The following DNAJC6 variants were observed in gnomAD, a reference collection of about 807,000 sequenced individuals.
The protein encoded by DNAJC6 is auxilin.
A neutral mutation model predicts 110.0 loss-of-function variants in DNAJC6; 34 were observed. The ratio of observed to expected loss-of-function variants is 0.31; its 90% confidence interval spans 0.24 to 0.41. DNAJC6 has a LOEUF of 0.41. DNAJC6 is among the 10% of genes least tolerant of loss of function. DNAJC6 has a pLI of 1.00. For missense variants in DNAJC6, 1,031 were observed against 1,207.8 expected (o/e 0.85, Z 2.17); for synonymous variants, 406 against 437.2 (o/e 0.93, Z 0.89).
chr1:65,310,923 T>G (rs1283983271), intron 1 of DNAJC6, among the ~76,000 whole-genome samples: 1 of 152,202 alleles, frequency 6.6e-6, no homozygotes, highest in African/African-American at 2.4e-5. Context: ...AAGATTCATA[T>G]GGGGTCGTTT....
At chr1:65,305,655 AT>A (rs1001328427), upstream of DNAJC6, among the ~76,000 whole-genome samples, 2 of 152,196 alleles carry the variant, frequency 1.3e-5, no homozygotes, top group African/African-American at 4.8e-5. Context: ...CAAAACATGG[AT>A]TTTTGCCCTC....
intron 1 of DNAJC6, among the ~76,000 whole-genome samples, chr1:65,331,754 G>A (rs909731000): frequency 1.3e-5 from 2 of 152,220 alleles, no homozygotes; most frequent in African/African-American, 4.8e-5. Context: ...TGCTGAGTAT[G>A]AGCTCAGGTC....
chr1:65,275,011 T>C (rs939773839), intron 1 of DNAJC6, among the ~76,000 whole-genome samples: 1 of 152,218 alleles, frequency 6.6e-6, no homozygotes. Context: ...TTTAACTCCA[T>C]TTACCCTATC....
chr1:65,346,489 CTTCCCA>C (rs776068323), intron 1 of DNAJC6, among the ~76,000 whole-genome samples: 50 of 152,058 alleles, frequency 3.3e-4, no homozygotes, highest in Non-Finnish European at 4.6e-4. Flanking sequence ...GAGCACTCAC[CTTCCCA>C]GTCTCATCTT....
intron 1 of DNAJC6, among the ~76,000 whole-genome samples, chr1:65,354,419 A>G (rs1645522757): frequency 6.6e-6 from 1 of 152,218 alleles, no homozygotes; most frequent in Non-Finnish European, 1.5e-5. Flanking sequence ...TTAGTTGTTT[A>G]TGGAAACTGC....
rs1646146766 is a variant in DNAJC6 at position 65,413,567 on chromosome 1, A to G, written c.*542A>G. On this transcript the variant is annotated 3_prime_UTR_variant, in exon 19 of 19. Transcript: ENST00000371069. ...ATACTGTAAATGTCTTTTGGTCAAGAGAACTAACAAATATAAAGGAACTTG... is the reference window on the plus strand; with the variant it reads ...ATACTGTAAATGTCTTTTGGTCAAGGGAACTAACAAATATAAAGGAACTTG... 1 of 152,384 alleles carries G rather than the reference A, an allele frequency of 6.6e-6. No individual in the cohort carries two copies. Among genetic ancestry groups the G allele is most frequent in the Admixed American group, 6.5e-5 (1 of 15,282 alleles). 9.4% of individuals were successfully genotyped at this position (152,384 alleles called of 1,614,324 possible). A position where few individuals can be genotyped will look rare whatever the true frequency, so the allele number is the denominator to read the frequency against.
chr1:65,386,780 C>T (rs200693702), intron 7 of DNAJC6, 32 bp from the exon 8 acceptor site: 3 of 1,567,752 alleles, frequency 1.9e-6, no homozygotes, highest in Admixed American at 1.7e-5. Context: ...ATTGGACTCT[C>T]TTTCAATGTA....
intron 11 of DNAJC6, among the ~76,000 whole-genome samples, chr1:65,391,213 A>G (rs927530876): frequency 3.3e-5 from 5 of 152,214 alleles, no homozygotes; most frequent in African/African-American, 1.2e-4. Context: ...TGAAGACTAT[A>G]AGTATCTTCA....
chr1:65,331,629 A>G (rs930046390), intron 1 of DNAJC6, among the ~76,000 whole-genome samples: 3 of 152,162 alleles, frequency 2.0e-5, no homozygotes, highest in African/African-American at 7.2e-5. Context: ...CACTTCATAA[A>G]GCCCTCTCAT....
intron 1 of DNAJC6, among the ~76,000 whole-genome samples, chr1:65,278,328 G>GTC (rs1653740370): frequency 6.6e-6 from 1 of 152,166 alleles, no homozygotes; most frequent in Non-Finnish European, 1.5e-5. Context: ...AATTAAATAG[G>GTC]TCAATTCATG....
rs565477898 is a variant in DNAJC6 at position 65,266,802 on chromosome 1, A to G, written c.-131+1870A>G. Among the ~76,000 whole-genome samples, 442 of 152,186 alleles carry G rather than the reference A, an allele frequency of 2.9e-3. 2 individuals are homozygous for G. Among genetic ancestry groups the G allele is most frequent in the Middle Eastern group, 0.017 (5 of 294 alleles). Reference sequence around the variant, plus strand: ...GCCCAGGTTAAGGTTAATATTCAACATTGTTTGAAATGGAAACACTCCTGG... The same window carrying G: ...GCCCAGGTTAAGGTTAATATTCAACGTTGTTTGAAATGGAAACACTCCTGG... On this transcript the variant is annotated intron_variant, in intron 1 of 19. Transcript: ENST00000263441.
chr1:65,350,590 A>G (rs1002950742), intron 1 of DNAJC6, among the ~76,000 whole-genome samples: 4 of 152,172 alleles, frequency 2.6e-5, no homozygotes, highest in Non-Finnish European at 2.9e-5. Flanking sequence ...CTTTGAAAAC[A>G]TGTTAAATTT....
At chr1:65,362,898 T>C (rs982481450) in intron 1 of DNAJC6, among the ~76,000 whole-genome samples, 1 of 152,240 alleles carries the variant, frequency 6.6e-6, no homozygotes. Context: ...CAGGTGTTTC[T>C]TACTGTATTA....
upstream of DNAJC6, among the ~76,000 whole-genome samples, chr1:65,305,933 T>G (rs1300801913): frequency 1.3e-5 from 2 of 152,202 alleles, no homozygotes; most frequent in African/African-American, 4.8e-5. Flanking sequence ...ACTAATTTAC[T>G]TCTTACTATA....
At chr1:65,395,429 TTAAA>T (rs1260142967) in intron 13 of DNAJC6, among the ~76,000 whole-genome samples, 1 of 152,202 alleles carries the variant, frequency 6.6e-6, no homozygotes, top group Admixed American at 6.5e-5. Context: ...AAAATATGTC[TTAAA>T]TAAATAAAAT....
At chr1:65,322,000 TCTC>T (rs1364422980) in intron 1 of DNAJC6, among the ~76,000 whole-genome samples, 1 of 152,158 alleles carries the variant, frequency 6.6e-6, no homozygotes, top group Non-Finnish European at 1.5e-5. Flanking sequence ...GCCATTAAAA[TCTC>T]CTAACAGGAG....
chr1:65,270,596 G>T (rs1332270224), intron 1 of DNAJC6, among the ~76,000 whole-genome samples: 1 of 152,076 alleles, frequency 6.6e-6, no homozygotes, highest in African/African-American at 2.4e-5. Flanking sequence ...GGTTATAAGG[G>T]TTATAAATCT....
At chr1:65,364,579 C>A in intron 1 of DNAJC6, 56 bp from the exon 2 acceptor site, 1 of 1,555,658 alleles carries the variant, frequency 6.4e-7, no homozygotes, top group Non-Finnish European at 8.6e-7. Context: ...ATTGGTTTTC[C>A]GTGGATTCTC....
rs146424430 is a variant in DNAJC6, at chr1:65,396,369, C to T, written c.2038+1337C>T. On this transcript the variant is annotated intron_variant, in intron 13 of 18. Transcript: ENST00000371069. ...CTCCCCATTTTACTCAGCATGAAAA[C>T]CAAAGTCCTTGAAATGGCCTGTGTA... Among the ~76,000 whole-genome samples the T allele has an allele frequency of 2.4e-3, 370 of 152,272 alleles. 4 individuals carry two copies. Among genetic ancestry groups the T allele is most frequent in the African/African-American group, 8.6e-3 (356 of 41,552 alleles).
Sources: gnomAD v4.1 joint callset for allele counts (sites outside exome capture counted in the v4.1 genomes callset) on GRCh38, gnomAD v4.1.1 for gene constraint, MANE v1.5 for transcripts, NCBI Gene and HGNC (gene_info 2026-07-23, HGNC 2026-07-21) for gene names.